AHSA1: variants seen among roughly 807,000 people sequenced by gnomAD.
The protein encoded by AHSA1 is activator of HSP90 ATPase activity 1.
A neutral mutation model predicts 46.1 loss-of-function variants in AHSA1; 14 were observed. The observed-to-expected ratio is 0.30, with a 90% CI of 0.20 to 0.47. AHSA1 has a LOEUF of 0.47. Among genes scored for constraint, AHSA1 ranks in the 20% least tolerant of loss-of-function variants. The probability of loss-of-function intolerance (pLI) is 0.99; values close to 1 mark genes in which losing one functional copy is unlikely to be tolerated. For synonymous variants in AHSA1, 147 were observed against 145.8 expected (o/e 1.01, Z -0.06); for missense variants, 333 against 415.9 (o/e 0.80, Z 1.73).
intron 5 of AHSA1, 105 bp downstream of exon 5, chr14:77,464,791 C>G (rs1288162797): frequency 9.4e-6 from 9 of 957,386 alleles, no homozygotes; most frequent in African/African-American, 3.3e-5. Context: ...CTAAGCCAGA[C>G]CAGCCTGCGA....
chr14:77,468,110 G>T lies in AHSA1; in HGVS notation c.718G>T (p.Ala240Ser). ...GGTGCAGGCCTTTACCCATGCTCCT[G>T]CAACATTAGAAGCAGACAGAGGTGG... ...ELVQAFTHAP[A>S]TLEADRGGKF... The change falls in exon 7 of 9, where the codon GCA becomes TCA. Residue 240 changes from alanine to serine, a missense_variant. Ala to Ser is a moderately conservative substitution (Grantham distance 99). Coordinates refer to ENST00000216479, the MANE Select transcript of AHSA1 (RefSeq NM_012111.3). 6.6e-7 allele frequency: 1 copy of T among 1,513,598 alleles called. No individual in the cohort carries two copies. The allele number at this position is 1,513,598 out of a possible 1,614,324, so 93.8% of individuals were successfully genotyped here. A position where few individuals can be genotyped will look rare whatever the true frequency, so the allele number is the denominator to read the frequency against.
chr14:77,465,394 T>A (rs1230641483), intron 5 of AHSA1, 145 bp from the exon 6 acceptor site: 5 of 900,986 alleles, frequency 5.5e-6, no homozygotes, highest in African/African-American at 1.7e-5. Context: ...ACCTACACAC[T>A]CAAATTCCCT....
In AHSA1 at chr14:77,468,469, C is replaced by T. The variant is rs934661331; in HGVS notation, c.805C>T (p.His269Tyr). The change falls in exon 8 of 9, where the codon CAT becomes TAT. Residue 269 changes from histidine to tyrosine, a missense_variant. His to Tyr is a moderately conservative substitution (Grantham distance 83). Coordinates refer to ENST00000216479, the MANE Select transcript of AHSA1 (RefSeq NM_012111.3). ...TTGATTATTTTAGGTCCCTGAGAAACATATTGTGATGAAGTGGAGGTTTAA... is the reference window on the plus strand; with the variant it reads ...TTGATTATTTTAGGTCCCTGAGAAATATATTGTGATGAAGTGGAGGTTTAA... ...GEFTDLVPEK[H>Y]IVMKWRFKSW... 2.5e-6 allele frequency: 4 copies of T among 1,612,872 alleles called. No individual in the cohort carries two copies. The highest frequency in any genetic ancestry group is 3.4e-6 in the Non-Finnish European group (4 of 1,179,472).
At chr14:77,467,263 G>A (rs2079051414) in intron 6 of AHSA1, among the ~76,000 whole-genome samples, 1 of 152,040 alleles carries the variant, frequency 6.6e-6, no homozygotes, top group African/African-American at 2.4e-5. Flanking sequence ...GCCAGGTATG[G>A]TGGTATGCGC....
At chr14:77,467,178 T>G (rs1167779389) in intron 6 of AHSA1, among the ~76,000 whole-genome samples, 1 of 152,076 alleles carries the variant, frequency 6.6e-6, no homozygotes, top group East Asian at 1.9e-4. Flanking sequence ...GCGGGTGAAT[T>G]ACTTGAGCCC....
intron 6 of AHSA1, 75 bp from the exon 7 acceptor site, chr14:77,468,008 C>A: frequency 9.6e-7 from 1 of 1,041,880 alleles, no homozygotes. Flanking sequence ...CTTCAGCTGG[C>A]ATTTGTCCTT....
Position 77,468,181 on chromosome 14 carries a change from T to A in AHSA1, c.789T>A (p.Asp263Glu). Residue 263 changes from aspartate (D) to glutamate (E), a missense_variant, in exon 7 of 9, where the codon GAT (aspartate) becomes GAA (glutamate). Coordinates refer to ENST00000216479, the MANE Select transcript of AHSA1 (RefSeq NM_012111.3). The stretch of plus-strand genomic sequence containing the variant: ...GCAACGTCTCTGGGGAATTTACTGA[T>A]CTGGTGAGTACCTGCCGGCCCTAGA... The part of the protein sequence containing the change: ...VDGNVSGEFT[D>E]LVPEKHIVMK... 6.4e-7 allele frequency: 1 copy of A among 1,553,962 alleles called. No homozygotes were observed. Among genetic ancestry groups the A allele is most frequent in the Middle Eastern group, 1.7e-4 (1 of 5,986 alleles).
In AHSA1 at chr14:77,465,628, G is replaced by A. The variant is rs537462949; in HGVS notation, c.651G>A (p.Thr217=). 13 of 1,613,898 alleles carry A rather than the reference G, an allele frequency of 8.1e-6. No individual in the cohort carries two copies. The highest frequency in any genetic ancestry group is 4.4e-5 in the South Asian group (4 of 91,080). The part of the protein sequence containing the change: ...CKITLKETFL[T]SPEELYRVFT... ...TCACTCTTAAGGAAACCTTCCTGAC[G>A]TCACCAGAGGAGCTCTATAGAGTGT... Residue 217 remains threonine (T), a synonymous_variant, in exon 6 of 9, where the codon ACG becomes ACA. Transcript: ENST00000216479.
upstream of AHSA1, chr14:77,457,920 G>C (rs775270229): frequency 1.4e-5 from 7 of 498,908 alleles, no homozygotes; most frequent in Non-Finnish European, 2.1e-5. Flanking sequence ...GTTGGGTTTC[G>C]GGACGCTTTT....
At chr14:77,465,724 T>C (rs1594940521) in intron 6 of AHSA1, 57 bp downstream of exon 6, 6 of 1,585,574 alleles carry the variant, frequency 3.8e-6, no homozygotes, top group East Asian at 2.2e-5. Flanking sequence ...GTGACTTGAG[T>C]TGGGGGCATA....
At chr14:77,466,033 T>C (rs780642559) in intron 6 of AHSA1, among the ~76,000 whole-genome samples, 73 of 152,066 alleles carry the variant, frequency 4.8e-4, no homozygotes, top group Non-Finnish European at 4.0e-4. Context: ...TCACCATATT[T>C]TTTAGTAGAG....
chr14:77,461,510 A>G (rs1284285653), intron 2 of AHSA1, among the ~76,000 whole-genome samples: 8 of 152,162 alleles, frequency 5.3e-5, no homozygotes, highest in Non-Finnish European at 1.0e-4. Context: ...AGCCTGAGCG[A>G]CAGAGCAAGA....
chr14:77,462,815 C>T (rs2079031452), intron 4 of AHSA1, 56 bp downstream of exon 4: 1 of 1,458,842 alleles, frequency 6.9e-7, no homozygotes, highest in African/African-American at 1.4e-5. Flanking sequence ...CTGTTAGACT[C>T]TGGTTAAGGG....
rs947850479 is a variant in AHSA1 at position 77,458,103 on chromosome 14, A to G, written c.-87A>G. On this transcript the variant is annotated 5_prime_UTR_variant, in exon 1 of 9. Coordinates refer to ENST00000216479, the MANE Select transcript of AHSA1 (RefSeq NM_012111.3). ...CTTGCGGCCGCTTCTAGTAGTTTCC[A>G]GGCGCTGCCGGGCGGCTGGCACTAA... is the stretch of plus-strand genomic sequence containing the variant. The G allele has an allele frequency of 4.0e-6, 5 of 1,253,806 alleles. No homozygotes were observed. The highest frequency in any genetic ancestry group is 1.6e-5 in the African/African-American group (1 of 62,976). 77.7% of individuals were successfully genotyped at this position (1,253,806 alleles called of 1,614,324 possible).
chr14:77,459,669 T>C lies in AHSA1; in HGVS notation c.134T>C (p.Leu45Pro). 6.2e-7 allele frequency: 1 copy of C among 1,614,216 alleles called. No homozygotes were observed. Among genetic ancestry groups the C allele is most frequent in the Non-Finnish European group, 8.5e-7 (1 of 1,180,026 alleles). ...WSTDKLKTLF[L>P]AVQVQNEEGK... is the part of the protein sequence containing the mutation. ...ACGGATAAGCTGAAAACACTGTTCC[T>C]GGCAGTGCAGGTTCAAAATGAAGAA... Residue 45 changes from leucine (L) to proline (P), a missense_variant, in exon 2 of 9, where the codon CTG becomes CCG. Physicochemically the swap from Leu to Pro is moderately conservative, Grantham distance 98 (BLOSUM62 -3). Transcript: ENST00000216479.
chr14:77,467,930 A>G (rs1369995590), intron 6 of AHSA1, among the ~76,000 whole-genome samples, 153 bp from the exon 7 acceptor site: 1 of 152,200 alleles, frequency 6.6e-6, no homozygotes, highest in African/African-American at 2.4e-5. Context: ...GTATTAAAAC[A>G]GAATAGAGGG....
At chr14:77,459,009 A>C (rs2079005655) in intron 1 of AHSA1, among the ~76,000 whole-genome samples, 1 of 152,236 alleles carries the variant, frequency 6.6e-6, no homozygotes, top group Non-Finnish European at 1.5e-5. Context: ...ATAAGTAGGA[A>C]GGCAGATAGT....
At chr14:77,463,556 A>G (rs1219051929) in intron 4 of AHSA1, among the ~76,000 whole-genome samples, 1 of 147,888 alleles carries the variant, frequency 6.8e-6, no homozygotes, top group Non-Finnish European at 1.5e-5. Context: ...ATTGCACTCC[A>G]GCCTGGGTGA....
chr14:77,465,783 C>A, intron 6 of AHSA1, 116 bp downstream of exon 6: 2 of 1,047,736 alleles, frequency 1.9e-6, no homozygotes, highest in Non-Finnish European at 1.3e-6. Context: ...ACAACTGGAG[C>A]CATGAGGCCT....
Sources: gnomAD v4.1 joint callset for allele counts (sites outside exome capture counted in the v4.1 genomes callset) on GRCh38, gnomAD v4.1.1 for gene constraint, MANE v1.5 for transcripts, NCBI Gene and HGNC (gene_info 2026-07-23, HGNC 2026-07-21) for gene names.